CARMIL1: variants seen among roughly 807,000 people sequenced by gnomAD.
The protein encoded by CARMIL1 is F-actin-uncapping protein LRRC16A.
Under a neutral mutation model 177.1 loss-of-function variants are expected in CARMIL1, and 90 were observed. The ratio of observed to expected loss-of-function variants is 0.51; its 90% CI spans 0.43 to 0.61. The LOEUF (loss-of-function observed/expected upper bound fraction) is 0.61. CARMIL1 is among the 20% of genes least tolerant of loss of function. CARMIL1 has a pLI of 0.00. For synonymous variants in CARMIL1, 577 were observed against 606.2 expected, an observed-to-expected ratio of 0.95 and a Z score of 0.71; for missense variants, 1,380 against 1,667.0, an observed-to-expected ratio of 0.83 and a Z score of 3.00.
intron 2 of CARMIL1, among the ~76,000 whole-genome samples, chr6:25,290,816 C>T (rs1581459319): frequency 6.6e-6 from 1 of 152,178 alleles, no homozygotes. Context: ...GACAGGGTCT[C>T]ACTGTGTTGC....
intron 31 of CARMIL1, among the ~76,000 whole-genome samples, chr6:25,587,762 C>G (rs1813895424): frequency 6.6e-6 from 1 of 152,086 alleles, no homozygotes; most frequent in African/African-American, 2.4e-5. Flanking sequence ...CAATTTTATT[C>G]AAAAATTATT....
intron 31 of CARMIL1, among the ~76,000 whole-genome samples, chr6:25,586,736 C>T (rs1030681706): frequency 5.9e-5 from 9 of 152,218 alleles, no homozygotes; most frequent in South Asian, 2.1e-4. Flanking sequence ...GCAGATCACT[C>T]GCGGTCAGGA....
intron 29 of CARMIL1, among the ~76,000 whole-genome samples, chr6:25,566,296 A>G (rs1811550183): frequency 6.6e-6 from 1 of 152,212 alleles, no homozygotes; most frequent in African/African-American, 2.4e-5. Flanking sequence ...TTCATGGTCC[A>G]TAAAGTCCTA....
At chr6:25,526,403 G>A (rs1184820506) in intron 23 of CARMIL1, among the ~76,000 whole-genome samples, 1 of 130,434 alleles carries the variant, frequency 7.7e-6, no homozygotes, top group Admixed American at 7.7e-5. Flanking sequence ...TGTAAAATTT[G>A]TGCTTTGTTA....
chr6:25,451,172 T>C (rs1176691821), intron 8 of CARMIL1, among the ~76,000 whole-genome samples: 2 of 151,910 alleles, frequency 1.3e-5, no homozygotes, highest in African/African-American at 4.8e-5. Context: ...GTGGATGACT[T>C]GTGGAGGTCC....
intron 2 of CARMIL1, among the ~76,000 whole-genome samples, chr6:25,351,542 A>C (rs1788101700): frequency 6.6e-6 from 1 of 152,238 alleles, no homozygotes; most frequent in Non-Finnish European, 1.5e-5. Flanking sequence ...TGCCTTTAAT[A>C]AAGTTTATTC....
At position 25,515,605 on chromosome 6, in the gene CARMIL1, G is replaced by T; in HGVS notation, c.1633-70G>T. ...AGGTCCATCCCCTCTCATTCTCCAC[G>T]AAATGCGTCGTGGAGAGTGGGTGCT... is the stretch of plus-strand genomic sequence containing the variant. On this transcript the variant is annotated intron_variant, in intron 20 of 36. Transcript: ENST00000329474. The surrounding 1 kb of genome is among the most constrained non-coding windows in gnomAD (Gnocchi z 5.0). 7.0e-7 allele frequency: 1 copy of T among 1,433,848 alleles called. No homozygotes were observed. Among genetic ancestry groups the T allele is most frequent in the South Asian group, 1.4e-5 (1 of 71,254 alleles). The allele number at this position is 1,433,848 out of a possible 1,614,324, so 88.8% of individuals were successfully genotyped here.
In CARMIL1 at chr6:25,482,334, T is replaced by A. The variant is rs771662474; in HGVS notation, c.952T>A (p.Ser318Thr). The A allele has an allele frequency of 1.9e-6, 3 of 1,545,112 alleles. No individual in the cohort carries two copies. The highest frequency in any genetic ancestry group is 2.7e-6 in the Non-Finnish European group (3 of 1,125,856). Residue 318 changes from serine (S) to threonine (T), a missense_variant, in exon 12 of 37, where the codon TCA (serine) becomes ACA (threonine). Physicochemically the swap from Ser to Thr is moderately conservative, Grantham distance 58. Transcript: ENST00000329474. The stretch of plus-strand genomic sequence containing the variant: ...CTTAAATTTATCTAAAACCTCATTA[T>A]CACCTAAAGGTACAGTATTTCTTAT... ...KHLNLSKTSLSPKGVNSLSQS... is the reference protein window; with the variant it reads ...KHLNLSKTSLTPKGVNSLSQS...
At chr6:25,478,017 G>C (rs1180033498) in intron 11 of CARMIL1, among the ~76,000 whole-genome samples, 1 of 151,280 alleles carries the variant, frequency 6.6e-6, no homozygotes, top group Non-Finnish European at 1.5e-5. Flanking sequence ...TACCACACCT[G>C]GCTAATTTTT....
At chr6:25,441,337 A>ATATATATATATATATATATATGTGTG in intron 5 of CARMIL1, among the ~76,000 whole-genome samples, 27 of 94,526 alleles carry the variant, frequency 2.9e-4, no homozygotes, top group Admixed American at 4.7e-4. Flanking sequence ...ATATATATAT[A>ATATATATATATATATATATATGTGTG]TGTGTGTGTG....
chr6:25,321,036 C>T (rs921625398), intron 2 of CARMIL1, among the ~76,000 whole-genome samples: 1 of 152,158 alleles, frequency 6.6e-6, no homozygotes. Context: ...TTCTGAACTA[C>T]TCATCTGCCT....
intron 27 of CARMIL1, among the ~76,000 whole-genome samples, chr6:25,553,208 C>T (rs1410982254): frequency 1.3e-5 from 2 of 152,114 alleles, no homozygotes; most frequent in African/African-American, 4.8e-5. Context: ...GTATGTATTT[C>T]TCTCACGTAT....
At chr6:25,557,088 A>C (rs1233496039) in intron 29 of CARMIL1, among the ~76,000 whole-genome samples, 5 of 152,124 alleles carry the variant, frequency 3.3e-5, no homozygotes, top group Non-Finnish European at 7.4e-5. Context: ...TAGGAGAAAT[A>C]GATTAGGTAA....
At chr6:25,411,970 G>A (rs1794942900) in intron 2 of CARMIL1, among the ~76,000 whole-genome samples, 1 of 151,914 alleles carries the variant, frequency 6.6e-6, no homozygotes, top group South Asian at 2.1e-4. Flanking sequence ...GTAGGGAAGT[G>A]ACTTTGAGAC....
intron 16 of CARMIL1, among the ~76,000 whole-genome samples, chr6:25,499,051 A>C (rs370148810): frequency 6.6e-6 from 1 of 152,144 alleles, no homozygotes; most frequent in South Asian, 2.1e-4. Flanking sequence ...CCGAGCCCCT[A>C]TGTGTTCCAT....
At chr6:25,598,436 G>A (rs377112384) in intron 32 of CARMIL1, among the ~76,000 whole-genome samples, 1 of 151,760 alleles carries the variant, frequency 6.6e-6, no homozygotes. Context: ...ATGGGGTTTT[G>A]CCATGCTGAC....
intron 2 of CARMIL1, among the ~76,000 whole-genome samples, chr6:25,386,198 C>T (rs1792141022): frequency 6.6e-6 from 1 of 152,058 alleles, no homozygotes; most frequent in African/African-American, 2.4e-5. Flanking sequence ...AAAGCAGTTA[C>T]CTTGGTATGA....
intron 2 of CARMIL1, among the ~76,000 whole-genome samples, chr6:25,301,594 T>C (rs1782864385): frequency 6.6e-6 from 1 of 152,164 alleles, no homozygotes; most frequent in South Asian, 2.1e-4. Context: ...TATATAACTA[T>C]ATTAGAAGAC....
intron 2 of CARMIL1, among the ~76,000 whole-genome samples, chr6:25,374,618 G>T (rs1299247883): frequency 6.6e-6 from 1 of 152,168 alleles, no homozygotes; most frequent in East Asian, 1.9e-4. Context: ...GCTGTTAGAG[G>T]AGTATTGAAG....
Sources: gnomAD v4.1 joint callset for allele counts (sites outside exome capture counted in the v4.1 genomes callset) on GRCh38, gnomAD v4.1.1 for gene constraint, Gnocchi (gnomAD v3.1) non-coding constraint, MANE v1.5 for transcripts, NCBI Gene and HGNC (gene_info 2026-07-23, HGNC 2026-07-21) for gene names.